SGTA: variants seen among roughly 807,000 people sequenced by gnomAD.
SGTA encodes small glutamine-rich tetratricopeptide repeat-containing protein alpha.
A neutral mutation model predicts 44.3 loss-of-function variants in SGTA; 22 were observed. That is an observed-to-expected ratio of 0.50 (90% CI 0.36 to 0.71). The LOEUF (loss-of-function observed/expected upper bound fraction) is 0.71, where lower values mean the gene tolerates loss of function less well. Among genes scored for constraint, SGTA ranks in the 30% least tolerant of loss-of-function variants. The pLI is 0.00. For synonymous variants in SGTA, 174 were observed against 177.6 expected (o/e 0.98, Z 0.16); for missense variants, 341 against 435.9 (o/e 0.78, Z 1.94).
intron 1 of SGTA, among the ~76,000 whole-genome samples, chr19:2,781,192 C>A (rs534977364): frequency 6.6e-6 from 1 of 152,312 alleles, no homozygotes; most frequent in East Asian, 1.9e-4. Context: ...CGACAGCTCT[C>A]AAGGATCCTC....
chr19:2,755,321 C>G lies in SGTA; in HGVS notation c.*619G>C, dbSNP rs1914790294. 3 of 820,832 alleles carry G rather than the reference C, an allele frequency of 3.7e-6. No individual in the cohort carries two copies. Among genetic ancestry groups the G allele is most frequent in the South Asian group, 1.1e-4 (2 of 18,020 alleles). The allele number at this position is 820,832 out of a possible 1,614,324, so 50.8% of individuals were successfully genotyped here. A position where few individuals can be genotyped will look rare whatever the true frequency, so the allele number is the denominator to read the frequency against. On this transcript the variant is annotated 3_prime_UTR_variant, in exon 12 of 12. Transcript: ENST00000221566. The surrounding 1 kb of genome is among the most constrained non-coding windows in gnomAD (Gnocchi z 5.2). ...AAGTCACAGAAACTGGTCCTATGCACCCAGGACGGCTCCTGAGCCGCGGAG... is the reference window on the plus strand; with the variant it reads ...AAGTCACAGAAACTGGTCCTATGCAGCCAGGACGGCTCCTGAGCCGCGGAG...
intron 9 of SGTA, among the ~76,000 whole-genome samples, chr19:2,758,630 A>C (rs1914897765): frequency 6.6e-6 from 1 of 152,242 alleles, no homozygotes. Context: ...GAGTGCACTC[A>C]GAAGTTTATA....
intron 2 of SGTA, among the ~76,000 whole-genome samples, chr19:2,768,345 T>C (rs1448481492): frequency 1.3e-5 from 2 of 152,110 alleles, no homozygotes. Flanking sequence ...CCCGGGCACA[T>C]CCCTACAGCT....
chr19:2,759,410 A>T (rs1203792128), intron 8 of SGTA, 116 bp from the exon 9 acceptor site: 9 of 933,398 alleles, frequency 9.6e-6, no homozygotes, highest in Non-Finnish European at 1.6e-5. Context: ...GCCAACCAAC[A>T]GTAAGAGCCG....
chr19:2,782,674 G>A (rs747293437), intron 1 of SGTA: 3 of 152,222 alleles, frequency 2.0e-5, no homozygotes, highest in Non-Finnish European at 4.4e-5. Flanking sequence ...CATGATATAA[G>A]ACGAACGCCT....
chr19:2,756,267 G>C (rs1050366839), intron 11 of SGTA, among the ~76,000 whole-genome samples: 1 of 151,712 alleles, frequency 6.6e-6, no homozygotes, highest in Non-Finnish European at 1.5e-5. Flanking sequence ...GGGAAGACTG[G>C]AAGAAAAGGC....
intron 1 of SGTA, among the ~76,000 whole-genome samples, chr19:2,783,007 C>G (rs989727969): frequency 2.0e-5 from 3 of 152,234 alleles, no homozygotes; most frequent in African/African-American, 7.2e-5. Context: ...GGCCGCGGAC[C>G]AGCATTTCCA....
In SGTA at chr19:2,759,319, G is replaced by A. The variant is rs1313481628; in HGVS notation, c.700-25C>T. The A allele has an allele frequency of 1.9e-6, 3 of 1,609,420 alleles. No homozygotes were observed. The East Asian group carries it at 6.7e-5, about 36-fold the overall frequency. On this transcript the variant is annotated intron_variant, in intron 8 of 11. Coordinates refer to ENST00000221566, the MANE Select transcript of SGTA (RefSeq NM_003021.4). ...CCTGAAGAACAGAACAAATTTGTCAGGAAGACAAAGCTCCCAGCGCATCAT... is the reference window on the plus strand; with the variant it reads ...CCTGAAGAACAGAACAAATTTGTCAAGAAGACAAAGCTCCCAGCGCATCAT...
intron 1 of SGTA, among the ~76,000 whole-genome samples, chr19:2,778,214 G>A (rs554636864): frequency 6.6e-6 from 1 of 152,046 alleles, no homozygotes; most frequent in Admixed American, 6.5e-5. Flanking sequence ...TGAGGGGTGT[G>A]GGGGGCAGGG....
Position 2,781,138 on chromosome 19 carries a change from T to C in SGTA, c.-24+2095A>G, listed in dbSNP as rs183389303. Among the ~76,000 whole-genome samples, 5 of 152,268 alleles carry C rather than the reference T, an allele frequency of 3.3e-5. No homozygotes were observed. In the East Asian group the frequency reaches 7.7e-4, roughly 23 times the overall value. On this transcript the variant is annotated intron_variant, in intron 1 of 11. Coordinates refer to ENST00000221566, the MANE Select transcript of SGTA (RefSeq NM_003021.4). The stretch of plus-strand genomic sequence containing the variant: ...TGAGCACTTCCTACCAGAGCCACTG[T>C]TGGGTCTTGGCATAAAAAAGAAAAA...
chr19:2,774,755 C>A (rs1345894996), intron 1 of SGTA, among the ~76,000 whole-genome samples: 1 of 152,188 alleles, frequency 6.6e-6, no homozygotes, highest in Non-Finnish European at 1.5e-5. Flanking sequence ...GCGCTGGGAT[C>A]ACAGGTGTGA....
chr19:2,774,473 T>C (rs1482481075), intron 1 of SGTA, among the ~76,000 whole-genome samples: 2 of 152,094 alleles, frequency 1.3e-5, no homozygotes, highest in Non-Finnish European at 2.9e-5. Context: ...TCCTATCACG[T>C]CTATGCAAAT....
At chr19:2,756,031 AGG>A in intron 11 of SGTA, 98 bp from the exon 12 acceptor site, 3 of 658,070 alleles carry the variant, frequency 4.6e-6, no homozygotes, top group Non-Finnish European at 5.6e-6. Context: ...GTGGACAGCC[AGG>A]GGCCACAGCG....
intron 1 of SGTA, among the ~76,000 whole-genome samples, chr19:2,776,418 G>A (rs1259631994): frequency 1.3e-5 from 2 of 152,206 alleles, no homozygotes; most frequent in African/African-American, 2.4e-5. Flanking sequence ...CCTTGAGGAC[G>A]TCGCACTCAG....
At chr19:2,757,237 A>G (rs1387239691) in intron 11 of SGTA, 100 bp downstream of exon 11, 2 of 1,416,952 alleles carry the variant, frequency 1.4e-6, no homozygotes, top group Non-Finnish European at 1.9e-6. Context: ...CAGGCTCCAC[A>G]GCCCCCGGGC....
intron 9 of SGTA, among the ~76,000 whole-genome samples, chr19:2,758,215 G>A (rs1370076184): frequency 6.6e-6 from 1 of 152,196 alleles, no homozygotes; most frequent in African/African-American, 2.4e-5. Context: ...CGGTGCTGTG[G>A]CTGGGAAACC....
intron 8 of SGTA, 44 bp from the exon 9 acceptor site, chr19:2,759,338 G>A (rs1202360629): frequency 3.8e-6 from 6 of 1,578,698 alleles, no homozygotes; most frequent in Admixed American, 1.7e-5. Context: ...AGCTCCCAGC[G>A]CATCATTCTC....
chr19:2,771,086 G>A (rs182980534), intron 1 of SGTA, among the ~76,000 whole-genome samples: 34 of 152,330 alleles, frequency 2.2e-4, no homozygotes, highest in South Asian at 1.0e-3. Context: ...AAAATAACCC[G>A]GAAGCTGTCA....
intron 1 of SGTA, chr19:2,770,123 C>G (rs35391847): frequency 0.16 from 24,953 of 153,756 alleles, 2,907 homozygotes; most frequent in Middle Eastern, 0.24. Flanking sequence ...TCTCAGAAAC[C>G]CTCCTGGTTC....
Sources: gnomAD v4.1 joint callset for allele counts (sites outside exome capture counted in the v4.1 genomes callset) on GRCh38, gnomAD v4.1.1 for gene constraint, Gnocchi (gnomAD v3.1) non-coding constraint, MANE v1.5 for transcripts, NCBI Gene and HGNC (gene_info 2026-07-23, HGNC 2026-07-21) for gene names.